IFT88: variants seen among roughly 807,000 people sequenced by gnomAD.
The protein encoded by IFT88 is intraflagellar transport 88, also known as intraflagellar transport protein 88 homolog.
A neutral mutation model predicts 119.5 loss-of-function variants in IFT88; 74 were observed. The observed-to-expected ratio is 0.62, with a 90% CI of 0.51 to 0.75. The LOEUF (loss-of-function observed/expected upper bound fraction) is 0.75, where lower values mean the gene tolerates loss of function less well. IFT88 is among the 30% of genes least tolerant of loss of function. The pLI is 0.00. For missense variants in IFT88, 961 were observed against 977.7 expected (o/e 0.98, Z 0.23); for synonymous variants, 279 against 316.7 (o/e 0.88, Z 1.26).
chr13:20,689,123 G>A (rs896851941), intron 24 of IFT88, among the ~76,000 whole-genome samples: 55 of 152,150 alleles, frequency 3.6e-4, no homozygotes, highest in African/African-American at 1.1e-3. Flanking sequence ...TAGTAGAGAC[G>A]GGGTTTCACC....
At chr13:20,567,951 G>A (rs1296612756) in intron 1 of IFT88, 2 of 703,936 alleles carry the variant, frequency 2.8e-6, no homozygotes, top group African/African-American at 1.8e-5. Context: ...GGGCCACATC[G>A]GAAGAAGAAT....
At chr13:20,690,847 T>G in intron 25 of IFT88, 32 bp downstream of exon 25, 1 of 1,515,838 alleles carries the variant, frequency 6.6e-7, no homozygotes, top group Middle Eastern at 1.7e-4. Context: ...CCTCCAGGCA[T>G]AGCAGGTCTG....
intron 24 of IFT88, among the ~76,000 whole-genome samples, chr13:20,673,927 T>C (rs2056284280): frequency 1.3e-5 from 2 of 152,226 alleles, no homozygotes. Context: ...CTGGCACAAA[T>C]TTAAAGCACT....
chr13:20,691,389 G>A lies in IFT88; in HGVS notation c.*214G>A, dbSNP rs982860869. 2.6e-6 allele frequency: 1 copy of A among 389,512 alleles called. No individual in the cohort carries two copies. Among genetic ancestry groups the A allele is most frequent in the Admixed American group, 4.2e-5 (1 of 23,858 alleles). 24.1% of individuals were successfully genotyped at this position (389,512 alleles called of 1,614,324 possible). On this transcript the variant is annotated 3_prime_UTR_variant, in exon 26 of 26. Transcript: ENST00000351808. The stretch of plus-strand genomic sequence containing the variant: ...ATACTTTAGGCCAGTGACTTCCTTA[G>A]CTTTTTGAAAACATTGACACACAGG...
chr13:20,584,971 C>A (rs7998003), intron 3 of IFT88, among the ~76,000 whole-genome samples: 2 of 152,056 alleles, frequency 1.3e-5, no homozygotes, highest in Non-Finnish European at 2.9e-5. Flanking sequence ...GGGCAGCCCC[C>A]GGTAATAAAG....
intron 16 of IFT88, among the ~76,000 whole-genome samples, chr13:20,635,286 C>T (rs951775072): frequency 1.8e-4 from 27 of 152,088 alleles, no homozygotes; most frequent in Non-Finnish European, 5.9e-5. Flanking sequence ...TTCACAATAG[C>T]AAGGACTTGG....
chr13:20,597,178 C>T, intron 9 of IFT88, 59 bp downstream of exon 9: 1 of 823,626 alleles, frequency 1.2e-6, no homozygotes. Flanking sequence ...TTAATGGGTT[C>T]CAGAGTCTTT....
At chr13:20,620,525 G>A (rs755197541) in intron 14 of IFT88, among the ~76,000 whole-genome samples, 3 of 152,126 alleles carry the variant, frequency 2.0e-5, no homozygotes, top group Non-Finnish European at 4.4e-5. Context: ...TTAGGAGGTC[G>A]TCCTTTTCAA....
chr13:20,589,919 T>G, intron 4 of IFT88, 52 bp downstream of exon 4: 1 of 1,075,760 alleles, frequency 9.3e-7, no homozygotes, highest in Non-Finnish European at 1.4e-6. Context: ...ATACAATAGT[T>G]CACTTTAGGC....
At chr13:20,617,543 TA>T (rs1223876430) in intron 14 of IFT88, among the ~76,000 whole-genome samples, 49 of 152,372 alleles carry the variant, frequency 3.2e-4, no homozygotes, top group African/African-American at 1.1e-3. Flanking sequence ...CCTAGATAAG[TA>T]AATCTTCAAT....
At chr13:20,660,193 T>C (rs2053554959) in intron 22 of IFT88, among the ~76,000 whole-genome samples, 2 of 152,300 alleles carry the variant, frequency 1.3e-5, no homozygotes, top group South Asian at 4.1e-4. Flanking sequence ...GAGACAGGGT[T>C]GTCATGGAAC....
At chr13:20,683,123 G>C (rs1210812282) in intron 24 of IFT88, among the ~76,000 whole-genome samples, 2 of 152,164 alleles carry the variant, frequency 1.3e-5, no homozygotes, top group Non-Finnish European at 2.9e-5. Flanking sequence ...AAATGTTGGA[G>C]CTATGTGTCC....
intron 21 of IFT88, 115 bp downstream of exon 21, chr13:20,654,043 T>G (rs1348250525): frequency 2.0e-6 from 1 of 490,286 alleles, no homozygotes; most frequent in East Asian, 3.3e-5. Flanking sequence ...TAACTTTTTA[T>G]AACTGTACAT....
chr13:20,630,317 A>G (rs1485382760), intron 15 of IFT88, among the ~76,000 whole-genome samples: 1 of 152,206 alleles, frequency 6.6e-6, no homozygotes, highest in Non-Finnish European at 1.5e-5. Flanking sequence ...TTGCTTTGCT[A>G]GCTCTACAGT....
At position 20,637,366 on chromosome 13, in the gene IFT88, A is replaced by G. The variant is rs1261974757; in HGVS notation, c.1387-966A>G. Reference sequence around the variant, plus strand: ...AAAAGGGGCATGGGAATTTAATGTTATACAGTTGTGAAGGAGCCATGGCGG... The same window carrying G: ...AAAAGGGGCATGGGAATTTAATGTTGTACAGTTGTGAAGGAGCCATGGCGG... On this transcript the variant is annotated intron_variant, in intron 16 of 25. Coordinates refer to ENST00000351808, the MANE Select transcript of IFT88 (RefSeq NM_006531.5). 5.9e-5 allele frequency among the ~76,000 whole-genome samples: 9 copies of G among 152,206 alleles called. 1 individual carries two copies. The highest frequency in any genetic ancestry group is 1.2e-4 in the Non-Finnish European group (8 of 68,028).
intron 23 of IFT88, among the ~76,000 whole-genome samples, chr13:20,665,068 C>G (rs1302860749): frequency 3.5e-5 from 5 of 143,058 alleles, no homozygotes; most frequent in Admixed American, 6.9e-5. Flanking sequence ...AACAGAGCGA[C>G]ACTCCGTCTC....
At chr13:20,635,020 A>G (rs1260757468) in intron 16 of IFT88, among the ~76,000 whole-genome samples, 1 of 138,908 alleles carries the variant, frequency 7.2e-6, no homozygotes, top group Non-Finnish European at 1.5e-5. Context: ...TCATTGTTCA[A>G]TTCCCACCTA....
chr13:20,601,717 G>A lies in IFT88; in HGVS notation c.825G>A (p.Met275Ile), dbSNP rs2042619584. The A allele has an allele frequency of 6.3e-7, 1 of 1,597,830 alleles. No homozygotes were observed. Among genetic ancestry groups the A allele is most frequent in the South Asian group, 1.1e-5 (1 of 89,426 alleles). ...SVNKQMRIKI[M>I]QNIGVTFIQA... The stretch of plus-strand genomic sequence containing the variant: ...CTTTTTCTTTTAGGATTAAAATAAT[G>A]CAGAATATTGGAGTTACATTTATTC... The change falls in exon 12 of 26, where the codon ATG becomes ATA. Residue 275 changes from methionine (M) to isoleucine (I), a missense_variant. Met to Ile is a conservative substitution (Grantham distance 10, BLOSUM62 1). Coordinates refer to ENST00000351808, the MANE Select transcript of IFT88 (RefSeq NM_006531.5).
chr13:20,598,510 G>T (rs1301015452), intron 9 of IFT88, 141 bp from the exon 10 acceptor site: 2 of 490,590 alleles, frequency 4.1e-6, no homozygotes, highest in East Asian at 3.1e-5. Flanking sequence ...TAATTCTTTT[G>T]TTTACTTAAT....
Sources: allele counts gnomAD v4.1 joint callset (sites outside exome capture counted in the v4.1 genomes callset), GRCh38; gene constraint gnomAD v4.1.1; transcripts MANE v1.5; gene names NCBI Gene and HGNC (gene_info 2026-07-23, HGNC 2026-07-21).